ADD2: variants seen among roughly 807,000 people sequenced by gnomAD.
The protein encoded by ADD2 is beta-adducin.
A neutral mutation model predicts 83.0 loss-of-function variants in ADD2; 23 were observed. That is an observed-to-expected ratio of 0.28 (90% CI 0.20 to 0.39). The LOEUF (loss-of-function observed/expected upper bound fraction) is 0.39. Ranked by LOEUF, ADD2 falls within the 10% of genes least tolerant of loss-of-function variation. ADD2 has a pLI of 1.00. For missense variants in ADD2, 758 were observed against 944.9 expected (o/e 0.80, Z 2.59); for synonymous variants, 375 against 375.4 (o/e 1.00, Z 0.01).
At chr2:70,705,050 G>A (rs890541629) in intron 3 of ADD2, among the ~76,000 whole-genome samples, 3 of 152,086 alleles carry the variant, frequency 2.0e-5, no homozygotes, top group African/African-American at 7.2e-5. Flanking sequence ...GGCCACTTAG[G>A]TGTGTTGGCC....
chr2:70,750,472 C>G (rs1350086844), intron 1 of ADD2, among the ~76,000 whole-genome samples: 1 of 152,012 alleles, frequency 6.6e-6, no homozygotes, highest in African/African-American at 2.4e-5. Flanking sequence ...TGGTCAGCAT[C>G]CTTATAAGGA....
intron 1 of ADD2, among the ~76,000 whole-genome samples, chr2:70,748,317 T>C (rs115708957): frequency 6.6e-6 from 1 of 152,074 alleles, no homozygotes; most frequent in Admixed American, 6.5e-5. Context: ...GAATCCTTTT[T>C]TGGAATCTAT....
At chr2:70,700,442 G>A (rs1228181408) in intron 4 of ADD2, among the ~76,000 whole-genome samples, 1 of 151,996 alleles carries the variant, frequency 6.6e-6, no homozygotes, top group African/African-American at 2.4e-5. Context: ...CCTGAGATAA[G>A]GCCAAACATA....
In ADD2 at chr2:70,663,385, G is replaced by C. The variant is rs144829163; in HGVS notation, c.*40C>G. ...CAGAGATGGGAGAAGGGAAGGGGAGGAGAGAGAGGAGGCAGGAGGGAGCCC... is the reference window on the plus strand; with the variant it reads ...CAGAGATGGGAGAAGGGAAGGGGAGCAGAGAGAGGAGGCAGGAGGGAGCCC... On this transcript the variant is annotated 3_prime_UTR_variant, in exon 16 of 16. Transcript: ENST00000264436. 6.2e-5 allele frequency: 97 copies of C among 1,563,206 alleles called. No individual in the cohort carries two copies. The African/African-American group carries it at 1.2e-3, about 19-fold the overall frequency.
intron 4 of ADD2, among the ~76,000 whole-genome samples, chr2:70,698,304 C>A (rs1456580977): frequency 6.6e-6 from 1 of 152,194 alleles, no homozygotes; most frequent in African/African-American, 2.4e-5. Context: ...CAAAGACAGT[C>A]CCTCTCCCCA....
intron 1 of ADD2, among the ~76,000 whole-genome samples, chr2:70,716,011 G>A (rs1462014867): frequency 4.6e-5 from 7 of 152,212 alleles, no homozygotes; most frequent in South Asian, 2.1e-4. Flanking sequence ...TCTAGTGGCC[G>A]TGTTCCTTAA....
At chr2:70,720,021 A>G (rs1314892917) in intron 1 of ADD2, among the ~76,000 whole-genome samples, 1 of 136,698 alleles carries the variant, frequency 7.3e-6, no homozygotes, top group Admixed American at 7.1e-5. Flanking sequence ...AGAATAAACC[A>G]TATCCTAAGC....
chr2:70,661,731 CT>C lies in ADD2; in HGVS notation c.*1693del, dbSNP rs1229911044. On this transcript the variant is annotated 3_prime_UTR_variant, in exon 16 of 16. Coordinates refer to ENST00000264436, the MANE Select transcript of ADD2 (RefSeq NM_001617.4). ...GTGTTCCCTACCTTTGCTTCACGTG[CT>C]AACATTATGCAATGGAGAACAGTCA... 1 of 152,216 alleles carries C rather than the reference CT, an allele frequency of 6.6e-6. No homozygotes were observed. Among genetic ancestry groups the C allele is most frequent in the Non-Finnish European group, 1.5e-5 (1 of 68,048 alleles). 9.4% of individuals were successfully genotyped at this position (152,216 alleles called of 1,614,324 possible).
At chr2:70,712,313 G>A (rs1672221153) in intron 2 of ADD2, among the ~76,000 whole-genome samples, 1 of 151,796 alleles carries the variant, frequency 6.6e-6, no homozygotes, top group South Asian at 2.1e-4. Context: ...GCATGGTGGT[G>A]TGCACCTGTA....
Position 70,678,812 on chromosome 2 carries a change from C to T in ADD2, c.1275G>A (p.Lys425=), listed in dbSNP as rs1553368949. Residue 425 remains lysine, a synonymous_variant, in exon 11 of 16, where the codon AAG becomes AAA. Coordinates refer to ENST00000264436, the MANE Select transcript of ADD2 (RefSeq NM_001617.4). The part of the protein sequence containing the change: ...PVPALRQHAQ[K]QQKEKTRWLN... The stretch of plus-strand genomic sequence containing the variant: ...GCCAGCGGGTCTTCTCCTTCTGCTG[C>T]TTCTGGGCATGCTGTCGCAGGGCGG... The T allele has an allele frequency of 6.2e-7, 1 of 1,614,044 alleles. No homozygotes were observed. The highest frequency in any genetic ancestry group is 1.3e-5 in the African/African-American group (1 of 74,926).
At chr2:70,668,341 G>C (rs1249225104) in intron 15 of ADD2, among the ~76,000 whole-genome samples, 1 of 152,092 alleles carries the variant, frequency 6.6e-6, no homozygotes, top group Non-Finnish European at 1.5e-5. Flanking sequence ...TGCCACTCCT[G>C]TCTGCCGCTC....
chr2:70,747,881 G>T (rs1416421934), intron 1 of ADD2, among the ~76,000 whole-genome samples: 1 of 152,118 alleles, frequency 6.6e-6, no homozygotes, highest in Non-Finnish European at 1.5e-5. Flanking sequence ...AAATTCAATT[G>T]TTTTTTGTAT....
rs1553371453 is a variant in ADD2 at position 70,690,894 on chromosome 2, G to A, written c.741C>T (p.Ser247=). ...SAMKWGLLPV[S]HNALLVGDMA... ...TGTCCCCCACCAGCAGGGCATTGTG[G>A]GAGACAGGCAGGAGGCCCCACTTCA... The change falls in exon 8 of 16, where the codon TCC becomes TCT. Residue 247 remains serine (S), a synonymous_variant. Transcript: ENST00000264436. 6.2e-7 allele frequency: 1 copy of A among 1,613,758 alleles called. No individual in the cohort carries two copies. Among genetic ancestry groups the A allele is most frequent in the East Asian group, 2.2e-5 (1 of 44,862 alleles).
chr2:70,737,025 A>G (rs1384402211), intron 1 of ADD2, among the ~76,000 whole-genome samples: 1 of 152,186 alleles, frequency 6.6e-6, no homozygotes, highest in African/African-American at 2.4e-5. Context: ...CCACAATGAG[A>G]TACCATCTCA....
intron 1 of ADD2, among the ~76,000 whole-genome samples, chr2:70,765,677 G>A (rs1675345499): frequency 6.6e-6 from 1 of 152,186 alleles, no homozygotes; most frequent in African/African-American, 2.4e-5. Flanking sequence ...ATAAGCCATG[G>A]GTTCGTCAAT....
At chr2:70,757,288 TGG>T (rs5832031) in intron 1 of ADD2, among the ~76,000 whole-genome samples, 54,533 of 150,150 alleles carry the variant, frequency 0.36, 11,668 homozygotes, top group African/African-American at 0.6. Context: ...AAGGGATTTG[TGG>T]GGGGGGGGGA....
At chr2:70,672,490 A>C (rs1275230385) in intron 15 of ADD2, among the ~76,000 whole-genome samples, 4 of 152,352 alleles carry the variant, frequency 2.6e-5, no homozygotes, top group East Asian at 1.9e-4. Context: ...GAAATTCAGC[A>C]TCTTAGGCCA....
In ADD2 at chr2:70,713,121, C is replaced by A. The variant is rs1329077336; in HGVS notation, c.-90G>T. 6.1e-6 allele frequency: 6 copies of A among 983,468 alleles called. No homozygotes were observed. Among genetic ancestry groups the A allele is most frequent in the Non-Finnish European group, 7.2e-6 (6 of 830,004 alleles). The allele number at this position is 983,468 out of a possible 1,614,324, so 60.9% of individuals were successfully genotyped here. On this transcript the variant is annotated 5_prime_UTR_variant, in exon 2 of 16. Transcript: ENST00000264436. ...CCTTCTGTTCACTGCTCAGTCTGCA[C>A]CCCCTAGCTCCACTCTCAAGGGTGC...
Position 70,756,422 on chromosome 2 carries a change from C to T in ADD2, c.-154+11464G>A, listed in dbSNP as rs554656261. On this transcript the variant is annotated intron_variant, in intron 1 of 15. Coordinates refer to ENST00000264436, the MANE Select transcript of ADD2 (RefSeq NM_001617.4). ...CAGATAACAATTCATGTGAATTTCA[C>T]CCTGGATTGAGACATTGGAGTCCTA... Among the ~76,000 whole-genome samples the T allele has an allele frequency of 4.0e-5, 6 of 151,340 alleles. No homozygotes were observed. In the South Asian group the frequency reaches 1.3e-3, roughly 32 times the overall value.
Sources: allele counts gnomAD v4.1 joint callset (sites outside exome capture counted in the v4.1 genomes callset), GRCh38; gene constraint gnomAD v4.1.1; transcripts MANE v1.5; gene names NCBI Gene and HGNC (gene_info 2026-07-23, HGNC 2026-07-21).